Variants in ABI1 observed in about 807,000 individuals in gnomAD.
ABI1 encodes the protein abl interactor 1, also known as Abelson interactor 1.
A neutral mutation model predicts 54.6 loss-of-function variants in ABI1; 14 were observed. That is an observed-to-expected ratio of 0.26 (90% CI 0.17 to 0.40). The LOEUF is 0.40. Among genes scored for constraint, ABI1 ranks in the 10% least tolerant of loss-of-function variants. ABI1 has a pLI of 1.00. For missense variants in ABI1, 443 were observed against 598.3 expected (o/e 0.74, Z 2.71); for synonymous variants, 194 against 209.3 (o/e 0.93, Z 0.63).
intron 2 of ABI1, among the ~76,000 whole-genome samples, chr10:26,797,699 A>G (rs1347496315): frequency 1.3e-5 from 2 of 152,198 alleles, no homozygotes. Flanking sequence ...CTGTAAACCA[A>G]GACATGCTGT....
intron 2 of ABI1, among the ~76,000 whole-genome samples, chr10:26,804,035 T>C (rs1004048995): frequency 2.0e-5 from 3 of 151,870 alleles, no homozygotes; most frequent in Non-Finnish European, 4.4e-5. Context: ...AGAACAAATA[T>C]AATTGATGAC....
At chr10:26,845,972 G>A (rs1255861668) in intron 1 of ABI1, among the ~76,000 whole-genome samples, 3 of 151,710 alleles carry the variant, frequency 2.0e-5, no homozygotes, top group Admixed American at 6.6e-5. Context: ...GTGAAACCCC[G>A]TCTCTACAAA....
chr10:26,855,217 T>A (rs1301756986), intron 1 of ABI1, among the ~76,000 whole-genome samples: 1 of 152,238 alleles, frequency 6.6e-6, no homozygotes, highest in African/African-American at 2.4e-5. Flanking sequence ...TTTGGTGATA[T>A]AGGCAAGTCC....
At chr10:26,825,009 A>G (rs2048218958) in intron 1 of ABI1, among the ~76,000 whole-genome samples, 1 of 152,226 alleles carries the variant, frequency 6.6e-6, no homozygotes, top group African/African-American at 2.4e-5. Flanking sequence ...CAGAGCCTTC[A>G]GAGAGTCCTA....
At chr10:26,804,690 C>A (rs571516681) in intron 2 of ABI1, among the ~76,000 whole-genome samples, 43 of 152,176 alleles carry the variant, frequency 2.8e-4, no homozygotes, top group Non-Finnish European at 4.3e-4. Flanking sequence ...CCAAGGTTAG[C>A]ACTATTGTCC....
intron 1 of ABI1, among the ~76,000 whole-genome samples, chr10:26,846,581 G>A (rs1235138345): frequency 3.9e-5 from 6 of 151,964 alleles, no homozygotes; most frequent in Non-Finnish European, 8.8e-5. Context: ...GACCTCAAGC[G>A]ATGGGCCCAC....
At chr10:26,758,813 A>T (rs1376861645) in intron 8 of ABI1, among the ~76,000 whole-genome samples, 1 of 152,230 alleles carries the variant, frequency 6.6e-6, no homozygotes, top group Non-Finnish European at 1.5e-5. Context: ...AAATTTTGGT[A>T]TACTCAATAT....
chr10:26,830,107 T>G (rs1356566125), intron 1 of ABI1, among the ~76,000 whole-genome samples: 1 of 152,224 alleles, frequency 6.6e-6, no homozygotes, highest in Non-Finnish European at 1.5e-5. Flanking sequence ...GCCCTTAAGA[T>G]TCATCCTTGT....
chr10:26,847,475 A>C (rs1216500377), intron 1 of ABI1, among the ~76,000 whole-genome samples: 1 of 152,102 alleles, frequency 6.6e-6, no homozygotes, highest in East Asian at 1.9e-4. Flanking sequence ...AATAACAAAA[A>C]TTAGCCAAGC....
At chr10:26,821,302 A>G (rs181820011) in intron 2 of ABI1, among the ~76,000 whole-genome samples, 12 of 151,952 alleles carry the variant, frequency 7.9e-5, no homozygotes, top group Non-Finnish European at 5.9e-5. Flanking sequence ...AGGAAAAGAA[A>G]AAGAAATAAT....
chr10:26,848,200 C>CAAAAAAAAAAAAAAA (rs149066426), intron 1 of ABI1, among the ~76,000 whole-genome samples: 2 of 78,662 alleles, frequency 2.5e-5, no homozygotes, highest in Non-Finnish European at 5.0e-5. Context: ...GACCCTGTCT[C>CAAAAAAAAAAAAAAA]AAAAAAAAAA....
rs747766824 is a variant in ABI1 at position 26,768,999 on chromosome 10, G to A, written c.579-7C>T. 3 of 1,569,818 alleles carry A rather than the reference G, an allele frequency of 1.9e-6. No homozygotes were observed. The highest frequency in any genetic ancestry group is 1.4e-5 in the African/African-American group (1 of 72,466). On this transcript the variant is annotated splice_region_variant and splice_polypyrimidine_tract_variant and intron_variant, in intron 5 of 10. Coordinates refer to ENST00000376140, the MANE Select transcript of ABI1 (RefSeq NM_001012750.3). ...TTTATAAGGAGTATTCCGTCTAAAG[G>A]AGCATAGTGGAGAAAGGAATAATGA...
At chr10:26,807,198 G>T (rs2133472602) in intron 2 of ABI1, among the ~76,000 whole-genome samples, 1 of 152,302 alleles carries the variant, frequency 6.6e-6, no homozygotes. Flanking sequence ...AGTAGGCCAG[G>T]CACAGTGGCT....
Position 26,787,880 on chromosome 10 carries a change from C to G in ABI1, c.286-10639G>C, listed in dbSNP as rs1410505012. ...CCACTGGTTAAAAAAAAAAAAAAAG[C>G]GTGCAATCTTGAAATTAGAAAATTA... On this transcript the variant is annotated intron_variant, in intron 2 of 10. Transcript: ENST00000376140. Among the ~76,000 whole-genome samples the G allele has an allele frequency of 2.0e-5, 3 of 149,810 alleles. No homozygotes were observed. The East Asian group carries it at 5.9e-4, about 29-fold the overall frequency.
intron 2 of ABI1, among the ~76,000 whole-genome samples, chr10:26,807,249 G>A (rs1212408695): frequency 2.0e-5 from 3 of 152,184 alleles, no homozygotes; most frequent in Non-Finnish European, 4.4e-5. Flanking sequence ...AGAAGGTGGT[G>A]GATCGCTTGA....
intron 2 of ABI1, among the ~76,000 whole-genome samples, chr10:26,814,601 A>C (rs1460781576): frequency 6.6e-6 from 1 of 152,196 alleles, no homozygotes; most frequent in Non-Finnish European, 1.5e-5. Flanking sequence ...ACTGTGTCAT[A>C]AGAAATATCA....
At chr10:26,764,954 T>G (rs564174774) in intron 7 of ABI1, among the ~76,000 whole-genome samples, 71 of 152,256 alleles carry the variant, frequency 4.7e-4, no homozygotes, top group African/African-American at 1.7e-3. Flanking sequence ...ATGAATATAT[T>G]TCTAAAGCAA....
chr10:26,770,532 A>T (rs1344063313), intron 4 of ABI1, 187 bp from the exon 5 acceptor site: 2 of 742,154 alleles, frequency 2.7e-6, no homozygotes, highest in Admixed American at 1.7e-5. Context: ...CTATTATTTT[A>T]TGCCATTTAT....
intron 1 of ABI1, among the ~76,000 whole-genome samples, chr10:26,848,219 AAAAG>A (rs1444502582): frequency 1.3e-5 from 2 of 149,646 alleles, no homozygotes; most frequent in African/African-American, 2.4e-5. Context: ...AAAAAAAAAA[AAAAG>A]AAGAAGAAGA....
Sources: gnomAD v4.1 joint callset for allele counts (sites outside exome capture counted in the v4.1 genomes callset) on GRCh38, gnomAD v4.1.1 for gene constraint, MANE v1.5 for transcripts, NCBI Gene and HGNC (gene_info 2026-07-23, HGNC 2026-07-21) for gene names.